Variants in KLHL29 observed in about 807,000 individuals in gnomAD.
KLHL29 encodes kelch like family member 29, also known as kelch-like protein 29.
In KLHL29, 21 loss-of-function variants were observed where a neutral mutation model predicts 80.4. That is an observed-to-expected ratio of 0.26 (90% CI 0.19 to 0.38). The LOEUF is 0.38. KLHL29 is among the 10% of genes least tolerant of loss of function. KLHL29 has a pLI of 1.00. For synonymous variants in KLHL29, 511 were observed against 526.8 expected (o/e 0.97, Z 0.41); for missense variants, 867 against 1,223.9 (o/e 0.71, Z 4.35).
At chr2:23,428,454 G>A (rs952478345) in intron 1 of KLHL29, among the ~76,000 whole-genome samples, 1 of 152,092 alleles carries the variant, frequency 6.6e-6, no homozygotes, top group African/African-American at 2.4e-5. Context: ...TTTGTCTTTT[G>A]CTGTGATGGG....
chr2:23,418,698 G>A (rs1191752116), intron 1 of KLHL29, among the ~76,000 whole-genome samples: 1 of 152,134 alleles, frequency 6.6e-6, no homozygotes, highest in Admixed American at 6.5e-5. Flanking sequence ...AGGGATGCTG[G>A]GGCCACAGCT....
intron 1 of KLHL29, among the ~76,000 whole-genome samples, chr2:23,462,879 A>T (rs942895160): frequency 6.6e-5 from 10 of 152,230 alleles, no homozygotes; most frequent in African/African-American, 2.2e-4. Context: ...TCACACCTGT[A>T]ATCCCAGCAT....
intron 1 of KLHL29, among the ~76,000 whole-genome samples, chr2:23,396,385 T>A (rs1250891242): frequency 6.6e-6 from 1 of 152,202 alleles, no homozygotes; most frequent in Non-Finnish European, 1.5e-5. Flanking sequence ...CTCTTGAGAT[T>A]TGGGTAGCCT....
chr2:23,575,526 C>T (rs1667822249), intron 3 of KLHL29, among the ~76,000 whole-genome samples: 1 of 152,160 alleles, frequency 6.6e-6, no homozygotes, highest in South Asian at 2.1e-4. Flanking sequence ...AGCCACGGCT[C>T]CAAGTGTTTT....
intron 1 of KLHL29, among the ~76,000 whole-genome samples, chr2:23,394,486 C>T (rs541537617): frequency 3.2e-4 from 49 of 152,112 alleles, no homozygotes; most frequent in Non-Finnish European, 6.5e-4. Flanking sequence ...AAGCATTTGC[C>T]CAAGTTCAGA....
At chr2:23,612,898 C>T (rs1380311447) in intron 3 of KLHL29, among the ~76,000 whole-genome samples, 1 of 151,858 alleles carries the variant, frequency 6.6e-6, no homozygotes, top group Non-Finnish European at 1.5e-5. Flanking sequence ...AAATAAATAT[C>T]AATTGTATAC....
Position 23,693,393 on chromosome 2 carries a change from G to C in KLHL29, c.1407G>C (p.Gln469His). ...ALQIFPEVAA[Q>H]EEILSISKDD... ...AGATCTTCCCCGAGGTGGCCGCCCA[G>C]GAGGAGATCCTCAGCATCTCCAAGG... The change falls in exon 8 of 14, where the codon CAG (glutamine) becomes CAC (histidine). Residue 469 changes from glutamine (Q) to histidine (H), a missense_variant. Around this residue, in one of 2 missense-constraint regions of KLHL29, gnomAD observed 443 missense variants for 767.0 expected, o/e 0.58. Transcript: ENST00000486442. The C allele has an allele frequency of 1.3e-6, 2 of 1,551,758 alleles. No individual in the cohort carries two copies. The highest frequency in any genetic ancestry group is 8.7e-7 in the Non-Finnish European group (1 of 1,146,996).
chr2:23,624,635 G>A (rs565129568), intron 3 of KLHL29, among the ~76,000 whole-genome samples: 1 of 152,348 alleles, frequency 6.6e-6, no homozygotes, highest in African/African-American at 2.4e-5. Flanking sequence ...GATCCAGCCT[G>A]CTTTCCAGTC....
chr2:23,524,469 C>T (rs756758000), intron 2 of KLHL29: 17 of 163,880 alleles, frequency 1.0e-4, no homozygotes, highest in Non-Finnish European at 1.9e-4. Flanking sequence ...CACGGGTGGG[C>T]GGCTCGCGCG....
chr2:23,677,762 T>C lies in KLHL29; in HGVS notation c.941-6637T>C, dbSNP rs1395692815. Among the ~76,000 whole-genome samples the C allele has an allele frequency of 3.3e-5, 5 of 152,332 alleles. No individual in the cohort carries two copies. In the East Asian group the frequency reaches 7.7e-4, roughly 23 times the overall value. ...CCCACAGTGTCAGCATGCGTCGCGC[T>C]CCCTGCTCCTGGATGAATTACCCTC... On this transcript the variant is annotated intron_variant, in intron 5 of 13. Coordinates refer to ENST00000486442, the MANE Select transcript of KLHL29 (RefSeq NM_052920.2).
intron 5 of KLHL29, among the ~76,000 whole-genome samples, chr2:23,665,299 C>T (rs752977602): frequency 3.3e-5 from 5 of 152,162 alleles, no homozygotes; most frequent in Non-Finnish European, 7.3e-5. Flanking sequence ...TGTGTTGTCT[C>T]CAGGGGCCCA....
rs1672755333 is a variant in KLHL29 at position 23,706,834 on chromosome 2, C to A, written c.*170C>A. ...CATTGAATGTAGAAAATCATCCTCG[C>A]CTTTGGATGAAACGGAGGCACCGCG... On this transcript the variant is annotated 3_prime_UTR_variant, in exon 14 of 14. Transcript: ENST00000486442. The A allele has an allele frequency of 3.7e-6, 2 of 545,570 alleles. No individual in the cohort carries two copies. The highest frequency in any genetic ancestry group is 6.1e-6 in the Non-Finnish European group (2 of 329,268). 33.8% of individuals were successfully genotyped at this position (545,570 alleles called of 1,614,324 possible). A position where few individuals can be genotyped will look rare whatever the true frequency, so the allele number is the denominator to read the frequency against.
intron 1 of KLHL29, among the ~76,000 whole-genome samples, chr2:23,444,456 C>T (rs1663618801): frequency 1.3e-5 from 2 of 152,122 alleles, no homozygotes; most frequent in South Asian, 2.1e-4. Context: ...TCCCGGGTGG[C>T]TGAGATTACA....
chr2:23,548,823 A>G (rs910027854), intron 2 of KLHL29, among the ~76,000 whole-genome samples: 1 of 152,240 alleles, frequency 6.6e-6, no homozygotes, highest in Admixed American at 6.5e-5. Flanking sequence ...GCTAAAATAG[A>G]AAACTGACCC....
chr2:23,449,760 C>A (rs1663813575), intron 1 of KLHL29, among the ~76,000 whole-genome samples: 3 of 152,146 alleles, frequency 2.0e-5, no homozygotes, highest in Admixed American at 6.5e-5. Flanking sequence ...GAACCTTAGG[C>A]ACAATGTTTA....
chr2:23,663,487 C>T (rs1302109760), intron 5 of KLHL29, among the ~76,000 whole-genome samples: 1 of 152,182 alleles, frequency 6.6e-6, no homozygotes, highest in Non-Finnish European at 1.5e-5. Flanking sequence ...GCGGAGGTGG[C>T]GCGTCTGCGA....
intron 5 of KLHL29, among the ~76,000 whole-genome samples, chr2:23,679,035 T>C: frequency 1.4e-5 from 2 of 138,326 alleles, no homozygotes; most frequent in Non-Finnish European, 3.1e-5. Context: ...TTAAAATGGG[T>C]ACATTTTACC....
intron 5 of KLHL29, among the ~76,000 whole-genome samples, chr2:23,645,964 G>A (rs1242999510): frequency 6.6e-6 from 1 of 152,166 alleles, no homozygotes; most frequent in Non-Finnish European, 1.5e-5. Context: ...AATGCATTGA[G>A]CACATATAGA....
chr2:23,634,229 C>T (rs1669549748), intron 3 of KLHL29, among the ~76,000 whole-genome samples: 1 of 152,192 alleles, frequency 6.6e-6, no homozygotes. Context: ...GCATCGTGGC[C>T]TGCAGGTTCC....
Sources: gnomAD v4.1 joint callset for allele counts (sites outside exome capture counted in the v4.1 genomes callset) on GRCh38, gnomAD v4.1.1 for gene constraint, gnomAD v4.1.1 regional missense constraint, MANE v1.5 for transcripts, NCBI Gene and HGNC (gene_info 2026-07-23, HGNC 2026-07-21) for gene names.